CCSER1: variants seen among roughly 807,000 people sequenced by gnomAD.
The protein encoded by CCSER1 is coiled-coil serine rich protein 1, also known as serine-rich coiled-coil domain-containing protein 1.
CCSER1 carries 41 observed loss-of-function variants against 82.0 expected under a neutral mutation model. The observed-to-expected ratio is 0.50, with a 90% CI of 0.39 to 0.65. CCSER1 has a LOEUF of 0.65. Among genes scored for constraint, CCSER1 ranks in the 30% least tolerant of loss-of-function variants. The pLI, the probability that CCSER1 is intolerant of heterozygous loss-of-function variation, is 0.00. For missense variants in CCSER1, 1,119 were observed against 1,064.2 expected (o/e 1.05, Z -0.72); for synonymous variants, 414 against 383.9 (o/e 1.08, Z -0.92).
At chr4:91,007,760 A>T (rs1004060769) in intron 9 of CCSER1, among the ~76,000 whole-genome samples, 1 of 145,216 alleles carries the variant, frequency 6.9e-6, no homozygotes, top group Non-Finnish European at 1.5e-5. Flanking sequence ...GATATTTACT[A>T]TTTCTTTCCT....
intron 10 of CCSER1, among the ~76,000 whole-genome samples, chr4:91,090,699 C>G (rs191234896): frequency 7.9e-5 from 12 of 152,292 alleles, no homozygotes; most frequent in African/African-American, 2.4e-4. Context: ...CATTAAGTGA[C>G]TTAGACACTG....
intron 6 of CCSER1, among the ~76,000 whole-genome samples, chr4:90,707,927 C>G (rs1309450263): frequency 6.6e-6 from 1 of 152,096 alleles, no homozygotes; most frequent in African/African-American, 2.4e-5. Context: ...TTACAAGCTG[C>G]CAATATTATC....
In CCSER1 at chr4:90,574,251, A is replaced by ATTTTTTTTTTTTT. The variant is rs777629017; in HGVS notation, c.1725-53758_1725-53746dup. 7.6e-4 allele frequency among the ~76,000 whole-genome samples: 65 copies of ATTTTTTTTTTTTT among 86,074 alleles called. 5 individuals are homozygous for ATTTTTTTTTTTTT. The highest frequency in any genetic ancestry group is 3.9e-3 in the African/African-American group (65 of 16,458). 56.5% of individuals were successfully genotyped at this position (86,074 alleles called of 152,430 possible). A position where few individuals can be genotyped will look rare whatever the true frequency, so the allele number is the denominator to read the frequency against. The stretch of plus-strand genomic sequence containing the variant: ...CCATATAGCTTGTAGAAACACATTA[A>ATTTTTTTTTTTTT]TTTTTTTTTTTTTTTTTTTTTTTTT... On this transcript the variant is annotated intron_variant, in intron 5 of 10. Coordinates refer to ENST00000509176, the MANE Select transcript of CCSER1 (RefSeq NM_001145065.2).
chr4:90,168,045 A>G (rs13110514), intron 1 of CCSER1, among the ~76,000 whole-genome samples: 110,534 of 151,558 alleles, frequency 0.73, 41,831 homozygotes, highest in African/African-American at 0.93. Context: ...CTGAGGAATC[A>G]CCACACTGAC....
chr4:90,154,522 T>G (rs1727634639), intron 1 of CCSER1, among the ~76,000 whole-genome samples: 1 of 151,156 alleles, frequency 6.6e-6, no homozygotes. Context: ...CATGGAATGT[T>G]CTTCCATTTG....
chr4:90,583,334 T>A (rs1781629689), intron 5 of CCSER1, among the ~76,000 whole-genome samples: 1 of 151,994 alleles, frequency 6.6e-6, no homozygotes, highest in South Asian at 2.1e-4. Flanking sequence ...CCTGGCTAAT[T>A]TTTGTATTTT....
chr4:90,549,578 G>A (rs954405728), intron 5 of CCSER1, among the ~76,000 whole-genome samples: 1 of 152,136 alleles, frequency 6.6e-6, no homozygotes, highest in African/African-American at 2.4e-5. Flanking sequence ...AGGGAACTGT[G>A]TACCATATGC....
chr4:91,225,324 GTATATATATTATATATGTA>G lies in CCSER1; in HGVS notation c.2217+139331_2217+139349del, dbSNP rs1738084289. 5.9e-5 allele frequency among the ~76,000 whole-genome samples: 7 copies of G among 118,796 alleles called. No individual in the cohort carries two copies. In the South Asian group the frequency reaches 9.6e-4, roughly 16 times the overall value. The allele number at this position is 118,796 out of a possible 152,430, so 77.9% of individuals were successfully genotyped here. A position where few individuals can be genotyped will look rare whatever the true frequency, so the allele number is the denominator to read the frequency against. ...TATATATTATATATGTAATATATAT[GTATATATATTATATATGTA>G]ATATATATGTATATATATTATATAT... On this transcript the variant is annotated intron_variant, in intron 10 of 10. Coordinates refer to ENST00000509176, the MANE Select transcript of CCSER1 (RefSeq NM_001145065.2).
intron 10 of CCSER1, among the ~76,000 whole-genome samples, chr4:91,090,304 A>C (rs1267639293): frequency 6.6e-6 from 1 of 152,192 alleles, no homozygotes. Context: ...GTGGCTTAGC[A>C]TAGGCTCTAT....
chr4:90,923,619 TGATTACAG>T (rs1728692142), intron 9 of CCSER1, 172 bp downstream of exon 9: 4 of 521,618 alleles, frequency 7.7e-6, no homozygotes, highest in Non-Finnish European at 1.4e-5. Flanking sequence ...CTAAAAAAGA[TGATTACAG>T]GCACCAACTG....
intron 10 of CCSER1, among the ~76,000 whole-genome samples, chr4:91,196,612 A>G (rs1735457350): frequency 6.6e-6 from 1 of 152,234 alleles, no homozygotes; most frequent in African/African-American, 2.4e-5. Flanking sequence ...ATAAATTACT[A>G]CAAGAAACAG....
intron 5 of CCSER1, among the ~76,000 whole-genome samples, chr4:90,499,779 T>A (rs1769579553): frequency 1.3e-5 from 2 of 152,168 alleles, no homozygotes; most frequent in Non-Finnish European, 2.9e-5. Context: ...TCATGTTCCA[T>A]CATAGCTTGA....
intron 1 of CCSER1, among the ~76,000 whole-genome samples, chr4:90,142,663 G>T (rs1196469219): frequency 6.7e-6 from 1 of 150,152 alleles, no homozygotes; most frequent in Admixed American, 6.6e-5. Flanking sequence ...CACAATTTTA[G>T]CTTTGAAAGT....
intron 10 of CCSER1, among the ~76,000 whole-genome samples, chr4:91,592,812 G>A (rs1245510409): frequency 6.6e-6 from 1 of 151,822 alleles, no homozygotes; most frequent in Non-Finnish European, 1.5e-5. Flanking sequence ...AACAATTCTT[G>A]TTGTAAAGCA....
At chr4:91,092,521 G>A (rs1724068271) in intron 10 of CCSER1, among the ~76,000 whole-genome samples, 1 of 152,226 alleles carries the variant, frequency 6.6e-6, no homozygotes, top group Non-Finnish European at 1.5e-5. Context: ...TTTGCATTGT[G>A]CTGTCGACAG....
chr4:90,415,065 A>C (rs1431901386), intron 4 of CCSER1, among the ~76,000 whole-genome samples: 1 of 152,214 alleles, frequency 6.6e-6, no homozygotes, highest in East Asian at 1.9e-4. Flanking sequence ...ATGACGGTGA[A>C]TTGAAAATGT....
intron 6 of CCSER1, among the ~76,000 whole-genome samples, chr4:90,648,922 A>G (rs1208978492): frequency 3.9e-5 from 6 of 152,192 alleles, no homozygotes; most frequent in Non-Finnish European, 8.8e-5. Context: ...GAAGACAACC[A>G]AGAGAGTAAC....
At chr4:91,484,055 TA>T (rs70965500) in intron 10 of CCSER1, among the ~76,000 whole-genome samples, 13,106 of 130,842 alleles carry the variant, frequency 0.1, 626 homozygotes, top group African/African-American at 0.11. Flanking sequence ...GCCTATTCTC[TA>T]AAAAAAAAAA....
intron 6 of CCSER1, among the ~76,000 whole-genome samples, chr4:90,642,862 A>C (rs1013033432): frequency 3.3e-5 from 5 of 151,108 alleles, no homozygotes; most frequent in Admixed American, 1.3e-4. Context: ...CTCAAAAATA[A>C]ATACATACAT....
Sources: allele counts gnomAD v4.1 joint callset (sites outside exome capture counted in the v4.1 genomes callset), GRCh38; gene constraint gnomAD v4.1.1; transcripts MANE v1.5; gene names NCBI Gene and HGNC (gene_info 2026-07-23, HGNC 2026-07-21).